NARF: variants seen among roughly 807,000 people sequenced by gnomAD.
The protein encoded by NARF is nuclear prelamin A recognition factor.
In NARF, 41 loss-of-function variants were observed where a neutral mutation model predicts 48.0. That is an observed-to-expected ratio of 0.85 (90% CI 0.66 to 1.11). NARF has a LOEUF of 1.11. Ranked by LOEUF, NARF falls within the 50% of genes least tolerant of loss-of-function variation. NARF has a pLI of 0.00. For synonymous variants in NARF, 215 were observed against 225.5 expected, an observed-to-expected ratio of 0.95 and a Z score of 0.42; for missense variants, 613 against 590.2, an observed-to-expected ratio of 1.04 and a Z score of -0.40.
chr17:82,487,797 C>CAGAAA, intron 10 of NARF, 119 bp from the exon 11 acceptor site: 1 of 505,668 alleles, frequency 2.0e-6, no homozygotes, highest in Non-Finnish European at 3.4e-6. Context: ...CCAATCTCTA[C>CAGAAA]AAAAAATTTA....
rs1270344148 is a variant in NARF, at chr17:82,488,008, C to T, written c.1222C>T (p.Pro408Ser). The T allele has an allele frequency of 6.2e-7, 1 of 1,614,204 alleles. No homozygotes were observed. Among genetic ancestry groups the T allele is most frequent in the East Asian group, 2.2e-5 (1 of 44,890 alleles). The change falls in exon 11 of 11, where the codon CCT (proline) becomes TCT (serine). Residue 408 changes from proline to serine, a missense_variant. By Grantham distance (74) the Pro-to-Ser change is moderately conservative. Transcript: ENST00000309794. ...GATGGAAGGCATTTACGCTGACATC[C>T]CTGTGCGGCGTCCGGAGTCCAGTGC... ...RQMEGIYADIPVRRPESSAHV... is the reference protein window; with the variant it reads ...RQMEGIYADISVRRPESSAHV...
At chr17:82,469,701 G>A (rs946415250) in intron 4 of NARF, among the ~76,000 whole-genome samples, 3 of 152,136 alleles carry the variant, frequency 2.0e-5, no homozygotes, top group African/African-American at 4.8e-5. Flanking sequence ...CGCCTCCCGG[G>A]TTCAAGAGAT....
At chr17:82,475,819 A>C (rs1371949652) in intron 5 of NARF, among the ~76,000 whole-genome samples, 2 of 152,188 alleles carry the variant, frequency 1.3e-5, no homozygotes, top group African/African-American at 2.4e-5. Flanking sequence ...CTCAGGATTC[A>C]CATCAGCAGA....
In NARF at chr17:82,488,378, T is replaced by TTA; in HGVS notation, c.*222_*223insAT. ...TAGGTGTGGGATTGGAACTTTTTTT[T>TTA]TCTTTTTTTTTTTTTGAGACGGAGT... On this transcript the variant is annotated 3_prime_UTR_variant, in exon 11 of 11. Transcript: ENST00000309794. 1 of 649,242 alleles carries TTA rather than the reference T, an allele frequency of 1.5e-6. No homozygotes were observed. The highest frequency in any genetic ancestry group is 2.4e-6 in the Non-Finnish European group (1 of 418,370). The allele number at this position is 649,242 out of a possible 1,614,324, so 40.2% of individuals were successfully genotyped here.
intron 4 of NARF, 47 bp from the exon 5 acceptor site, chr17:82,472,517 A>T: frequency 6.6e-7 from 1 of 1,520,312 alleles, no homozygotes; most frequent in Non-Finnish European, 8.8e-7. Context: ...CTAAAAGTAG[A>T]TCTTTTAGTA....
intron 7 of NARF, 94 bp downstream of exon 7, chr17:82,481,305 C>T: frequency 6.4e-7 from 1 of 1,554,132 alleles, no homozygotes; most frequent in Non-Finnish European, 8.7e-7. Flanking sequence ...CCAGAGCCAT[C>T]TCAGTGCCTG....
chr17:82,471,588 C>T (rs1437863794), intron 4 of NARF, among the ~76,000 whole-genome samples: 5 of 147,128 alleles, frequency 3.4e-5, no homozygotes, highest in Admixed American at 1.4e-4. Flanking sequence ...GTCAGGAGAT[C>T]GAGACCATCC....
chr17:82,467,606 G>A (rs1179058085), intron 3 of NARF, among the ~76,000 whole-genome samples: 1 of 152,170 alleles, frequency 6.6e-6, no homozygotes, highest in East Asian at 1.9e-4. Context: ...CCGGGTTCAA[G>A]CGATTCTTCT....
At position 82,468,906 on chromosome 17, in the gene NARF, C is replaced by G; in HGVS notation, c.385+10C>G. 1 of 1,612,070 alleles carries G rather than the reference C, an allele frequency of 6.2e-7. No homozygotes were observed. Among genetic ancestry groups the G allele is most frequent in the Non-Finnish European group, 8.5e-7 (1 of 1,179,314 alleles). On this transcript the variant is annotated intron_variant, in intron 4 of 10. Transcript: ENST00000309794. Reference sequence around the variant, plus strand: ...TTCCTCAAAAGTCTTGGTGAGTCATCTTTTGATAAATTGGGAATGTATAAC... The same window carrying G: ...TTCCTCAAAAGTCTTGGTGAGTCATGTTTTGATAAATTGGGAATGTATAAC...
intron 2 of NARF, 157 bp from the exon 3 acceptor site, chr17:82,464,128 CAG>C (rs2043503547): frequency 1.1e-6 from 1 of 890,340 alleles, no homozygotes; most frequent in Admixed American, 2.7e-5. Flanking sequence ...TGCTCAGTGG[CAG>C]AGACTGTCCT....
chr17:82,458,636 G>A (rs1599807011), upstream of NARF: 10 of 833,586 alleles, frequency 1.2e-5, no homozygotes, highest in East Asian at 3.0e-4. Context: ...TGGCCCAGGG[G>A]TGCGGCTTGT....
chr17:82,473,530 T>G (rs1485459855), intron 5 of NARF, among the ~76,000 whole-genome samples: 1 of 150,466 alleles, frequency 6.6e-6, no homozygotes, highest in African/African-American at 2.5e-5. Context: ...TTTTTGTATT[T>G]TTAGTAGAGA....
chr17:82,473,854 G>A (rs572365698), intron 5 of NARF, among the ~76,000 whole-genome samples: 3 of 152,172 alleles, frequency 2.0e-5, no homozygotes, highest in Admixed American at 6.5e-5. Flanking sequence ...CACCACACCC[G>A]TCCTCTAATT....
chr17:82,483,500 A>T, intron 7 of NARF: 1 of 519,266 alleles, frequency 1.9e-6, no homozygotes, highest in Non-Finnish European at 3.5e-6. Flanking sequence ...AGAAAGAGGA[A>T]TGGAAAGAGG....
chr17:82,468,792 T>G lies in NARF; in HGVS notation c.281T>G (p.Leu94Arg). The G allele has an allele frequency of 1.2e-6, 2 of 1,614,140 alleles. No individual in the cohort carries two copies. The change falls in exon 4 of 11, where the codon CTG becomes CGG. Residue 94 changes from leucine to arginine, a missense_variant. Transcript: ENST00000309794. ...KKCDTSKHKV[L>R]VVSVCPQSLP... Reference sequence around the variant, plus strand: ...TGTGATACCTCAAAGCACAAAGTGCTGGTAGTGTCTGTGTGTCCTCAATCT... The same window carrying G: ...TGTGATACCTCAAAGCACAAAGTGCGGGTAGTGTCTGTGTGTCCTCAATCT...
intron 10 of NARF, among the ~76,000 whole-genome samples, chr17:82,486,133 G>A (rs894178014): frequency 2.0e-5 from 3 of 152,186 alleles, no homozygotes; most frequent in African/African-American, 7.2e-5. Flanking sequence ...GGGCCACTGT[G>A]GGCTGTGATC....
chr17:82,470,873 A>G (rs2043683987), intron 4 of NARF, among the ~76,000 whole-genome samples: 1 of 152,084 alleles, frequency 6.6e-6, no homozygotes, highest in African/African-American at 2.4e-5. Context: ...TTAAAATTAA[A>G]AAAATCAGGC....
At chr17:82,485,430 A>AG (rs2044075236) in intron 9 of NARF, 67 bp from the exon 10 acceptor site, 1 of 1,554,212 alleles carries the variant, frequency 6.4e-7, no homozygotes, top group South Asian at 1.2e-5. Flanking sequence ...CAAAAAAAAA[A>AG]AGGAAGTGTT....
At chr17:82,472,240 T>C (rs1335429841) in intron 4 of NARF, among the ~76,000 whole-genome samples, 2 of 152,184 alleles carry the variant, frequency 1.3e-5, no homozygotes, top group Non-Finnish European at 2.9e-5. Context: ...TCCAGCACTC[T>C]GGGAGGCCAA....
Sources: allele counts gnomAD v4.1 joint callset (sites outside exome capture counted in the v4.1 genomes callset), GRCh38; gene constraint gnomAD v4.1.1; transcripts MANE v1.5; gene names NCBI Gene and HGNC (gene_info 2026-07-23, HGNC 2026-07-21).